The following SUFU variants were observed in gnomAD, a reference collection of about 807,000 sequenced individuals.
SUFU encodes SUFU negative regulator of hedgehog signaling, also known as suppressor of fused homolog.
A neutral mutation model predicts 58.9 loss-of-function variants in SUFU; 7 were observed. The observed-to-expected ratio is 0.12, with a 90% CI of 0.07 to 0.22. SUFU has a LOEUF of 0.22. SUFU is among the 10% of genes least tolerant of loss of function. The pLI is 1.00. For synonymous variants in SUFU, 232 were observed against 254.8 expected (o/e 0.91, Z 0.85); for missense variants, 451 against 641.3 (o/e 0.70, Z 3.20).
intron 3 of SUFU, among the ~76,000 whole-genome samples, chr10:102,557,924 G>A (rs191385592): frequency 3.5e-4 from 53 of 150,860 alleles, no homozygotes; most frequent in African/African-American, 1.2e-3. Context: ...TTTTTGAGAC[G>A]GAGTCTTGTT....
chr10:102,534,377 A>G (rs2062711462), intron 2 of SUFU, among the ~76,000 whole-genome samples: 1 of 152,206 alleles, frequency 6.6e-6, no homozygotes, highest in African/African-American at 2.4e-5. Flanking sequence ...TGGTGAGCCA[A>G]GATCGTGCCA....
At chr10:102,504,394 G>A (rs2135599278) in intron 1 of SUFU, 60 bp downstream of exon 1, 1 of 1,599,916 alleles carries the variant, frequency 6.3e-7, no homozygotes. Context: ...AAAGCGCCGA[G>A]GGCGAAGTAA....
chr10:102,512,749 G>A (rs923906449), intron 2 of SUFU, among the ~76,000 whole-genome samples: 4 of 152,164 alleles, frequency 2.6e-5, no homozygotes, highest in Non-Finnish European at 4.4e-5. Context: ...ACCCAGTTCT[G>A]GTCTATGTTG....
chr10:102,512,400 A>G (rs2062410627), intron 2 of SUFU, among the ~76,000 whole-genome samples: 1 of 152,224 alleles, frequency 6.6e-6, no homozygotes, highest in South Asian at 2.1e-4. Context: ...GGTTAAAAGA[A>G]TATCATTTCC....
chr10:102,567,562 G>C (rs1183696936), intron 3 of SUFU, among the ~76,000 whole-genome samples: 1 of 152,154 alleles, frequency 6.6e-6, no homozygotes, highest in Non-Finnish European at 1.5e-5. Context: ...CGAGGGTTCT[G>C]ATGAGGTTCA....
At chr10:102,567,838 A>G (rs528133814) in intron 3 of SUFU, among the ~76,000 whole-genome samples, 6 of 152,206 alleles carry the variant, frequency 3.9e-5, no homozygotes, top group South Asian at 2.1e-4. Flanking sequence ...CATCTCTGGG[A>G]GAGGCTATAG....
intron 11 of SUFU, 54 bp from the exon 12 acceptor site, chr10:102,630,012 C>G (rs1467371591): frequency 1.3e-6 from 2 of 1,518,662 alleles, no homozygotes; most frequent in East Asian, 4.5e-5. Context: ...GGAAAGACCA[C>G]GGTGTATTCT....
chr10:102,537,955 T>A (rs964501367), intron 2 of SUFU, among the ~76,000 whole-genome samples: 9 of 152,238 alleles, frequency 5.9e-5, no homozygotes, highest in Admixed American at 5.2e-4. Context: ...ATTCTATGTT[T>A]AATTTTTGAG....
At chr10:102,570,132 AG>A (rs1160397580) in intron 3 of SUFU, among the ~76,000 whole-genome samples, 1 of 152,134 alleles carries the variant, frequency 6.6e-6, no homozygotes, top group Admixed American at 6.5e-5. Context: ...AAGTTTTCCT[AG>A]TCGTCTGGGC....
At chr10:102,561,642 T>G (rs138128346) in intron 3 of SUFU, among the ~76,000 whole-genome samples, 36 of 151,650 alleles carry the variant, frequency 2.4e-4, no homozygotes, top group Non-Finnish European at 4.3e-4. Context: ...GTGGCATGCA[T>G]TTAGGGTTAG....
intron 3 of SUFU, among the ~76,000 whole-genome samples, chr10:102,574,942 G>C (rs890208999): frequency 6.6e-6 from 1 of 152,204 alleles, no homozygotes; most frequent in South Asian, 2.1e-4. Flanking sequence ...TGTAGTCCCA[G>C]CTACTCAGGA....
intron 3 of SUFU, among the ~76,000 whole-genome samples, chr10:102,584,479 C>T (rs1472884879): frequency 6.6e-6 from 1 of 152,156 alleles, no homozygotes; most frequent in Non-Finnish European, 1.5e-5. Context: ...CCATGCCCGG[C>T]CCAGTTTGTT....
rs80005882 is a variant in SUFU, at chr10:102,510,002, C to G, written c.317+699C>G. ...GACAGGCAAGCACCACCATGCCCAG[C>G]TAATTTTTGTAATTTTTTTGTAGAG... On this transcript the variant is annotated intron_variant, in intron 2 of 11. Transcript: ENST00000369902. Among the ~76,000 whole-genome samples the G allele has an allele frequency of 3.4e-4, 52 of 152,102 alleles. 1 individual carries two copies. In the East Asian group the frequency reaches 7.7e-3, roughly 23 times the overall value.
chr10:102,555,602 C>T (rs1375075874), intron 3 of SUFU, among the ~76,000 whole-genome samples: 2 of 152,160 alleles, frequency 1.3e-5, no homozygotes, highest in Non-Finnish European at 2.9e-5. Context: ...GCAAATCAAA[C>T]CCTATTCTAA....
intron 2 of SUFU, among the ~76,000 whole-genome samples, chr10:102,538,803 T>C (rs2062769388): frequency 6.6e-6 from 1 of 152,136 alleles, no homozygotes; most frequent in Non-Finnish European, 1.5e-5. Flanking sequence ...AGAAGTAAAC[T>C]CTTCTTATCT....
chr10:102,539,216 A>G (rs577173723), intron 2 of SUFU, among the ~76,000 whole-genome samples: 1 of 152,262 alleles, frequency 6.6e-6, no homozygotes, highest in South Asian at 2.1e-4. Context: ...TGTTTCCTCA[A>G]TCTTTCTGTT....
intron 2 of SUFU, among the ~76,000 whole-genome samples, chr10:102,534,301 C>T (rs2062710491): frequency 6.6e-6 from 1 of 152,202 alleles, no homozygotes; most frequent in Admixed American, 6.5e-5. Flanking sequence ...GTGGCAGGTG[C>T]CTATAGTCCC....
intron 10 of SUFU, among the ~76,000 whole-genome samples, chr10:102,621,036 C>T (rs899048528): frequency 2.6e-5 from 4 of 152,236 alleles, no homozygotes; most frequent in African/African-American, 9.6e-5. Flanking sequence ...TGGGAGAAGA[C>T]GCCCAGCAGC....
chr10:102,582,562 C>A (rs914601596), intron 3 of SUFU, among the ~76,000 whole-genome samples: 4 of 152,072 alleles, frequency 2.6e-5, no homozygotes. Flanking sequence ...TTCAGCACCC[C>A]CCACGTTTTC....
Sources: allele counts gnomAD v4.1 joint callset (sites outside exome capture counted in the v4.1 genomes callset), GRCh38; gene constraint gnomAD v4.1.1; transcripts MANE v1.5; gene names NCBI Gene and HGNC (gene_info 2026-07-23, HGNC 2026-07-21).